SNX3: variants seen among roughly 807,000 people sequenced by gnomAD.
SNX3 encodes sorting nexin-3.
A neutral mutation model predicts 17.7 loss-of-function variants in SNX3; 5 were observed. The observed-to-expected ratio is 0.28, with a 90% CI of 0.15 to 0.59. SNX3 has a LOEUF of 0.59. Ranked by LOEUF, SNX3 falls within the 20% of genes least tolerant of loss-of-function variation. The probability of loss-of-function intolerance (pLI) is 0.88; values close to 1 mark genes in which losing one functional copy is unlikely to be tolerated. For synonymous variants in SNX3, 91 were observed against 76.5 expected (o/e 1.19, Z -0.99); for missense variants, 132 against 206.8 (o/e 0.64, Z 2.22).
chr6:108,230,733 A>G (rs1049624608), intron 1 of SNX3, among the ~76,000 whole-genome samples: 2 of 152,302 alleles, frequency 1.3e-5, no homozygotes, highest in South Asian at 2.1e-4. Flanking sequence ...CAAGGGTTCT[A>G]TATTAGAAAC....
At chr6:108,222,034 G>C (rs1161444910) in intron 2 of SNX3, among the ~76,000 whole-genome samples, 1 of 152,008 alleles carries the variant, frequency 6.6e-6, no homozygotes, top group Admixed American at 6.6e-5. Flanking sequence ...CGAGATTATA[G>C]GCATGAGCCA....
rs1045956171 is a variant in SNX3, at chr6:108,238,114, A to C, written c.163-15069T>G. On this transcript the variant is annotated intron_variant, in intron 1 of 3. Coordinates refer to ENST00000230085, the MANE Select transcript of SNX3 (RefSeq NM_003795.6). ...GAGATCCTGTCTCAAAAAAAAAAAA[A>C]AAAAAACAAACAAAAAAAGAATCAA... 6.6e-5 allele frequency among the ~76,000 whole-genome samples: 10 copies of C among 151,584 alleles called. No homozygotes were observed. In the South Asian group the frequency reaches 1.7e-3, roughly 25 times the overall value.
chr6:108,233,036 A>G (rs893700099), intron 1 of SNX3, among the ~76,000 whole-genome samples: 3 of 152,260 alleles, frequency 2.0e-5, no homozygotes, highest in African/African-American at 4.8e-5. Context: ...TTCCAGTGAT[A>G]CAATTCCTCC....
chr6:108,255,341 T>A (rs1775998683), intron 1 of SNX3, among the ~76,000 whole-genome samples: 1 of 152,110 alleles, frequency 6.6e-6, no homozygotes, highest in African/African-American at 2.4e-5. Context: ...ATGCCCTGAT[T>A]TTTTTTTCTT....
rs1774416519 is a variant in SNX3 at position 108,211,891 on chromosome 6, G to A, written c.*258C>T. ...CACTGCAGATTACACTGGAATAACA[G>A]GTTTGTGAGGCTATAGTGTGCACCA... On this transcript the variant is annotated 3_prime_UTR_variant, in exon 4 of 4. Transcript: ENST00000230085. 3.5e-6 allele frequency: 1 copy of A among 285,532 alleles called. No homozygotes were observed. The highest frequency in any genetic ancestry group is 6.5e-6 in the Non-Finnish European group (1 of 154,812). The allele number at this position is 285,532 out of a possible 1,614,324, so 17.7% of individuals were successfully genotyped here.
intron 1 of SNX3, among the ~76,000 whole-genome samples, chr6:108,241,702 C>T (rs1045410745): frequency 1.3e-5 from 2 of 152,138 alleles, no homozygotes; most frequent in Non-Finnish European, 2.9e-5. Context: ...ATAGCAACCA[C>T]CACCTCCCCT....
chr6:108,212,458 C>T (rs548565435), intron 3 of SNX3, among the ~76,000 whole-genome samples: 1 of 151,942 alleles, frequency 6.6e-6, no homozygotes, highest in Admixed American at 6.6e-5. Context: ...GTGCCTCAGC[C>T]CCCTGAGTAG....
chr6:108,254,809 A>G (rs1043344913), intron 1 of SNX3, among the ~76,000 whole-genome samples: 1 of 152,204 alleles, frequency 6.6e-6, no homozygotes, highest in Non-Finnish European at 1.5e-5. Flanking sequence ...GTCCTGCAGG[A>G]TAAGTGATAG....
intron 1 of SNX3, among the ~76,000 whole-genome samples, chr6:108,258,646 A>C (rs985280422): frequency 3.3e-5 from 5 of 151,528 alleles, no homozygotes; most frequent in Non-Finnish European, 5.9e-5. Flanking sequence ...AGTAGCTGGG[A>C]CCTCAGGGAT....
chr6:108,242,279 T>TA (rs1018573948), intron 1 of SNX3, among the ~76,000 whole-genome samples: 2 of 152,054 alleles, frequency 1.3e-5, no homozygotes, highest in African/African-American at 2.4e-5. Flanking sequence ...GCTGAAAACT[T>TA]AAAAAAATTT....
At chr6:108,220,600 AC>A (rs1272772151) in intron 2 of SNX3, among the ~76,000 whole-genome samples, 1 of 152,122 alleles carries the variant, frequency 6.6e-6, no homozygotes, top group Non-Finnish European at 1.5e-5. Context: ...CAATGAAATC[AC>A]CTAAGGATGC....
intron 3 of SNX3, 122 bp from the exon 4 acceptor site, chr6:108,212,376 G>A (rs1326478111): frequency 4.7e-6 from 3 of 633,880 alleles, no homozygotes; most frequent in African/African-American, 3.8e-5. Context: ...GTCTTGCTCT[G>A]TTGCACAGGC....
intron 1 of SNX3, among the ~76,000 whole-genome samples, chr6:108,256,407 C>T (rs1337491174): frequency 2.0e-5 from 3 of 152,148 alleles, no homozygotes; most frequent in Non-Finnish European, 2.9e-5. Flanking sequence ...TGTAGTTGAT[C>T]ACTGACGTTT....
chr6:108,231,527 T>A (rs1302367392), intron 1 of SNX3, among the ~76,000 whole-genome samples: 2 of 152,210 alleles, frequency 1.3e-5, no homozygotes, highest in African/African-American at 2.4e-5. Context: ...TTGTTTTGCA[T>A]TGTTGGCAGT....
At chr6:108,232,947 A>G (rs528024899) in intron 1 of SNX3, among the ~76,000 whole-genome samples, 1 of 152,326 alleles carries the variant, frequency 6.6e-6, no homozygotes, top group East Asian at 1.9e-4. Context: ...ATAAGCTTTT[A>G]GTCCAGAGAA....
chr6:108,214,479 AG>A lies in SNX3; in HGVS notation c.383+18del. On this transcript the variant is annotated intron_variant, in intron 3 of 3. Transcript: ENST00000230085. ...TCACTTAAAGTAGTCCTACACTTTGAGGAATAGGAAGCACTTACTTGTTTAT... is the reference window on the plus strand; with the variant it reads ...TCACTTAAAGTAGTCCTACACTTTGAGAATAGGAAGCACTTACTTGTTTAT... 1 of 1,611,268 alleles carries A rather than the reference AG, an allele frequency of 6.2e-7. No individual in the cohort carries two copies. Among genetic ancestry groups the A allele is most frequent in the East Asian group, 2.2e-5 (1 of 44,832 alleles).
chr6:108,225,416 CCAGCCTGGGCAGGAGAT>C (rs1165623603), intron 1 of SNX3, among the ~76,000 whole-genome samples: 2 of 151,494 alleles, frequency 1.3e-5, no homozygotes, highest in Admixed American at 6.6e-5. Context: ...GGGCAAGAGA[CCAGCCTGGGCAGGAGAT>C]CAGCCTGGCT....
intron 1 of SNX3, among the ~76,000 whole-genome samples, chr6:108,235,033 G>A (rs1252258986): frequency 1.3e-5 from 2 of 152,226 alleles, no homozygotes; most frequent in Admixed American, 6.5e-5. Flanking sequence ...TATAGAATGA[G>A]AAGGAACACT....
In SNX3 at chr6:108,227,430, C is replaced by T. The variant is rs79217449; in HGVS notation, c.163-4385G>A. Among the ~76,000 whole-genome samples, 972 of 152,240 alleles carry T rather than the reference C, an allele frequency of 6.4e-3. 5 individuals carry two copies. The highest frequency in any genetic ancestry group is 0.022 in the African/African-American group (934 of 41,536). ...CAGGTACAATGTTGAGAGAAGAGTGCCAATTCAGCTCATTTTACCTTCCAT... is the reference window on the plus strand; with the variant it reads ...CAGGTACAATGTTGAGAGAAGAGTGTCAATTCAGCTCATTTTACCTTCCAT... On this transcript the variant is annotated intron_variant, in intron 1 of 3. Transcript: ENST00000230085.
Sources: allele counts gnomAD v4.1 joint callset (sites outside exome capture counted in the v4.1 genomes callset), GRCh38; gene constraint gnomAD v4.1.1; transcripts MANE v1.5; gene names NCBI Gene and HGNC (gene_info 2026-07-23, HGNC 2026-07-21).